The following TP63 variants were observed in gnomAD, a reference collection of about 807,000 sequenced individuals.
The protein encoded by TP63 is tumor protein p63, also known as tumor protein 63.
Under a neutral mutation model 82.8 loss-of-function variants are expected in TP63, and 17 were observed. The observed-to-expected ratio is 0.21, with a 90% CI of 0.14 to 0.31. The LOEUF (loss-of-function observed/expected upper bound fraction) is 0.31. Among genes scored for constraint, TP63 ranks in the 10% least tolerant of loss-of-function variants. TP63 has a pLI of 1.00. For synonymous variants in TP63, 330 were observed against 321.7 expected, an observed-to-expected ratio of 1.03 and a Z score of -0.28; for missense variants, 648 against 895.3, an observed-to-expected ratio of 0.72 and a Z score of 3.52.
At chr3:189,683,016 G>A (rs1277094819) in intron 1 of TP63, among the ~76,000 whole-genome samples, 1 of 152,126 alleles carries the variant, frequency 6.6e-6, no homozygotes, top group Non-Finnish European at 1.5e-5. Flanking sequence ...TTATGCTTCA[G>A]ATGCTTTTAT....
At chr3:189,705,052 T>G (rs2108745973) in intron 1 of TP63, among the ~76,000 whole-genome samples, 1 of 152,366 alleles carries the variant, frequency 6.6e-6, no homozygotes, top group South Asian at 2.1e-4. Flanking sequence ...ATGATTTTCT[T>G]CAATATTTTT....
intron 4 of TP63, among the ~76,000 whole-genome samples, chr3:189,846,486 C>G (rs777110726): frequency 2.2e-4 from 34 of 152,032 alleles, no homozygotes; most frequent in Non-Finnish European, 4.1e-4. Context: ...ATCATTCTTG[C>G]CCATGGGCTG....
At chr3:189,874,252 A>G (rs965409915) in intron 10 of TP63, among the ~76,000 whole-genome samples, 2 of 152,190 alleles carry the variant, frequency 1.3e-5, no homozygotes, top group East Asian at 1.9e-4. Context: ...TGTATTTTTT[A>G]GTAGAGATGG....
At chr3:189,887,038 G>A (rs1007041980) in intron 11 of TP63, among the ~76,000 whole-genome samples, 8 of 151,848 alleles carry the variant, frequency 5.3e-5, no homozygotes, top group Admixed American at 2.0e-4. Flanking sequence ...GTGAAACCCC[G>A]TCTCTATTAA....
the TP63 span, among the ~76,000 whole-genome samples, chr3:189,610,062 T>A: frequency 6.6e-6 from 1 of 152,214 alleles, no homozygotes; most frequent in Non-Finnish European, 1.5e-5. Flanking sequence ...ACTTTAGTAA[T>A]AGCCATTCTG....
intron 4 of TP63, among the ~76,000 whole-genome samples, chr3:189,820,653 G>A (rs370084221): frequency 2.6e-5 from 4 of 152,140 alleles, no homozygotes; most frequent in East Asian, 3.8e-4. Flanking sequence ...TACAATGCAC[G>A]CATTTTACAT....
intron 4 of TP63, among the ~76,000 whole-genome samples, chr3:189,837,209 T>TA: frequency 1.1e-5 from 1 of 92,058 alleles, no homozygotes; most frequent in Non-Finnish European, 2.6e-5. Flanking sequence ...GTTCAAAACA[T>TA]TTTTTTTTTC....
chr3:189,785,086 A>G (rs1724497828), intron 3 of TP63, among the ~76,000 whole-genome samples: 1 of 152,010 alleles, frequency 6.6e-6, no homozygotes, highest in Non-Finnish European at 1.5e-5. Context: ...CATGCTGACA[A>G]CTGTCCCTTT....
chr3:189,653,671 A>G (rs1027493702), intron 1 of TP63, among the ~76,000 whole-genome samples: 19 of 152,172 alleles, frequency 1.2e-4, no homozygotes, highest in African/African-American at 4.3e-4. Flanking sequence ...AATTTTCCTC[A>G]TGTGTCAGTT....
At position 189,648,202 on chromosome 3, in the gene TP63, A is replaced by G. The variant is rs1255837356; in HGVS notation, c.62+16625A>G. On this transcript the variant is annotated intron_variant, in intron 1 of 13. Coordinates refer to ENST00000264731, the MANE Select transcript of TP63 (RefSeq NM_003722.5). The stretch of plus-strand genomic sequence containing the variant: ...AAATGGTAGTGTGTGTTCGAATGCC[A>G]TGGCCCCATATTTATTGCAACCTGA... Among the ~76,000 whole-genome samples the G allele has an allele frequency of 2.0e-5, 3 of 147,188 alleles. 1 individual carries two copies. The highest frequency in any genetic ancestry group is 4.4e-4 in the South Asian group (2 of 4,508).
chr3:189,649,067 T>G lies in TP63; in HGVS notation c.62+17490T>G, dbSNP rs1488282559. On this transcript the variant is annotated intron_variant, in intron 1 of 13. Transcript: ENST00000264731. ...GGCTAAGCCTTATACCAGGCACTAGTTAGCAAAAAGTTATTCATGCTATTA... is the reference window on the plus strand; with the variant it reads ...GGCTAAGCCTTATACCAGGCACTAGGTAGCAAAAAGTTATTCATGCTATTA... Among the ~76,000 whole-genome samples the G allele has an allele frequency of 2.7e-5, 4 of 147,236 alleles. 1 individual carries two copies. Among genetic ancestry groups the G allele is most frequent in the Non-Finnish European group, 5.9e-5 (4 of 67,352 alleles).
At chr3:189,828,870 G>T (rs933654493) in intron 4 of TP63, among the ~76,000 whole-genome samples, 2 of 152,168 alleles carry the variant, frequency 1.3e-5, no homozygotes, top group African/African-American at 4.8e-5. Flanking sequence ...GTAGCTTAAA[G>T]AAAACGGAAG....
intron 4 of TP63, among the ~76,000 whole-genome samples, chr3:189,860,112 G>A (rs564710719): frequency 8.6e-5 from 13 of 151,784 alleles, no homozygotes; most frequent in Admixed American, 2.6e-4. Context: ...TATACTTTGC[G>A]GAAAAGTATA....
chr3:189,644,663 C>G (rs1471372480), intron 1 of TP63, among the ~76,000 whole-genome samples: 3 of 152,096 alleles, frequency 2.0e-5, no homozygotes, highest in African/African-American at 7.2e-5. Context: ...AGTGAGTAGT[C>G]TTTTATCTCT....
At chr3:189,892,465 C>CA (rs1480851057) in intron 13 of TP63, among the ~76,000 whole-genome samples, 1 of 152,094 alleles carries the variant, frequency 6.6e-6, no homozygotes, top group Non-Finnish European at 1.5e-5. Flanking sequence ...CTGAGAGCCT[C>CA]AAAAGTATAA....
chr3:189,808,014 C>A (rs1396797606), intron 3 of TP63, among the ~76,000 whole-genome samples: 1 of 152,174 alleles, frequency 6.6e-6, no homozygotes, highest in East Asian at 1.9e-4. Context: ...ACTCTACTTT[C>A]AAATGCTCTG....
At chr3:189,847,308 A>G (rs1002273213) in intron 4 of TP63, among the ~76,000 whole-genome samples, 1 of 152,206 alleles carries the variant, frequency 6.6e-6, no homozygotes, top group African/African-American at 2.4e-5. Flanking sequence ...CAGTGAGCTG[A>G]GATTGCACCA....
In TP63 at chr3:189,862,688, A is replaced by G. The variant is rs574884103; in HGVS notation, c.580-1544A>G. On this transcript the variant is annotated intron_variant, in intron 4 of 13. Coordinates refer to ENST00000264731, the MANE Select transcript of TP63 (RefSeq NM_003722.5). ...TATGCTTATTTTCTTCAAGTTCTCAATAAAAGGAAGTTCTTAACATGTCAT... is the reference window on the plus strand; with the variant it reads ...TATGCTTATTTTCTTCAAGTTCTCAGTAAAAGGAAGTTCTTAACATGTCAT... Among the ~76,000 whole-genome samples the G allele has an allele frequency of 3.9e-5, 6 of 152,354 alleles. 1 individual carries two copies. The highest frequency in any genetic ancestry group is 1.9e-4 in the East Asian group (1 of 5,180).
intron 4 of TP63, among the ~76,000 whole-genome samples, chr3:189,826,987 A>C (rs75834417): frequency 0.044 from 6,769 of 152,234 alleles, 199 homozygotes; most frequent in Non-Finnish European, 0.064. Context: ...TGCTTCTGAG[A>C]CTCAATTTTC....
Sources: gnomAD v4.1 joint callset for allele counts (sites outside exome capture counted in the v4.1 genomes callset) on GRCh38, gnomAD v4.1.1 for gene constraint, MANE v1.5 for transcripts, NCBI Gene and HGNC (gene_info 2026-07-23, HGNC 2026-07-21) for gene names.